The following BUB1B variants were observed in gnomAD, a reference collection of about 807,000 sequenced individuals.
BUB1B encodes the protein BUB1 mitotic checkpoint serine/threonine kinase B, also known as mitotic checkpoint serine/threonine-protein kinase BUB1 beta.
BUB1B carries 86 observed loss-of-function variants against 137.7 expected under a neutral mutation model. That is an observed-to-expected ratio of 0.62 (90% CI 0.52 to 0.75). The LOEUF is 0.75. BUB1B is among the 30% of genes least tolerant of loss of function. The pLI is 0.00. For missense variants in BUB1B, 1,130 were observed against 1,236.9 expected, an observed-to-expected ratio of 0.91 and a Z score of 1.30; for synonymous variants, 420 against 417.9, an observed-to-expected ratio of 1.00 and a Z score of -0.06.
At chr15:40,213,219 AC>A (rs2140908093) in intron 19 of BUB1B, 112 bp from the exon 20 acceptor site, 1 of 1,139,370 alleles carries the variant, frequency 8.8e-7, no homozygotes, top group East Asian at 2.4e-5. Flanking sequence ...AGAGGTGCCT[AC>A]GTTCCAGTAG....
rs1201842953 is a variant in BUB1B, at chr15:40,176,596, T to C, written c.504T>C (p.Phe168=). 1 of 1,614,156 alleles carries C rather than the reference T, an allele frequency of 6.2e-7. No homozygotes were observed. Among genetic ancestry groups the C allele is most frequent in the Non-Finnish European group, 8.5e-7 (1 of 1,180,010 alleles). ...WAEEYEAREN[F]RKADAIFQEG... ...AAGAATATGAAGCTAGAGAAAACTTTAGGAAAGCAGATGCGATATTTCAGG... is the reference window on the plus strand; with the variant it reads ...AAGAATATGAAGCTAGAGAAAACTTCAGGAAAGCAGATGCGATATTTCAGG... Residue 168 remains phenylalanine (F), a synonymous_variant, in exon 5 of 23, where the codon TTT becomes TTC. Coordinates refer to ENST00000287598, the MANE Select transcript of BUB1B (RefSeq NM_001211.6).
intron 14 of BUB1B, among the ~76,000 whole-genome samples, chr15:40,205,818 A>G (rs2037630233): frequency 6.6e-6 from 1 of 152,242 alleles, no homozygotes; most frequent in Non-Finnish European, 1.5e-5. Context: ...TAAGAAATAA[A>G]TAAAAATTAG....
At chr15:40,201,272 G>T (rs532794148) in intron 12 of BUB1B, among the ~76,000 whole-genome samples, 1 of 152,202 alleles carries the variant, frequency 6.6e-6, no homozygotes, top group African/African-American at 2.4e-5. Context: ...ACTAAGGGAA[G>T]TGTTTCTTTT....
At chr15:40,180,761 T>C (rs1292334303) in intron 5 of BUB1B, among the ~76,000 whole-genome samples, 1 of 145,326 alleles carries the variant, frequency 6.9e-6, no homozygotes, top group Non-Finnish European at 1.5e-5. Context: ...GCCATTCTCC[T>C]GCCTCAGCCT....
At chr15:40,190,749 A>G (rs1022144940) in intron 8 of BUB1B, among the ~76,000 whole-genome samples, 4 of 152,230 alleles carry the variant, frequency 2.6e-5, no homozygotes, top group South Asian at 4.1e-4. Flanking sequence ...AAGAACTGCA[A>G]TGCTGGGACA....
Position 40,220,731 on chromosome 15 carries a change from CT to C in BUB1B, c.3126del (p.Ser1043ValfsTer35). ...GCCTTATGGAAGGTAGGGAAGTTAA[CT>C]AGTCCTGGGGCTTTGCTCTTTCAGT... is the stretch of plus-strand genomic sequence containing the variant. ...NKALWKVGKL[T>X]SPGALLFQ On this transcript the variant is annotated frameshift_variant, in exon 23 of 23. Transcript: ENST00000287598. LOFTEE classifies it high-confidence loss of function. 1 of 1,614,154 alleles carries C rather than the reference CT, an allele frequency of 6.2e-7. No individual in the cohort carries two copies. The highest frequency in any genetic ancestry group is 8.5e-7 in the Non-Finnish European group (1 of 1,180,032).
In BUB1B at chr15:40,196,673, T is replaced by A; in HGVS notation, c.1187T>A (p.Met396Lys). The A allele has an allele frequency of 6.2e-7, 1 of 1,613,930 alleles. No homozygotes were observed. The highest frequency in any genetic ancestry group is 1.6e-4 in the Middle Eastern group (1 of 6,062). The change falls in exon 9 of 23, where the codon ATG (methionine) becomes AAG (lysine). Residue 396 changes from methionine (M) to lysine (K), a missense_variant. Transcript: ENST00000287598. ...QQASEEKKEK[M>K]MYCKEKIYAG... The stretch of plus-strand genomic sequence containing the variant: ...GCGTCTGAGGAGAAGAAAGAGAAGA[T>A]GATGTATTGTAAGGAGAAGATTTAT...
intron 5 of BUB1B, among the ~76,000 whole-genome samples, chr15:40,177,527 A>G (rs2037236673): frequency 6.6e-6 from 1 of 152,080 alleles, no homozygotes; most frequent in Non-Finnish European, 1.5e-5. Flanking sequence ...TTAAAAAATC[A>G]GTTGATCATA....
chr15:40,201,667 A>G (rs2037570724), intron 12 of BUB1B, among the ~76,000 whole-genome samples: 1 of 151,972 alleles, frequency 6.6e-6, no homozygotes, highest in Non-Finnish European at 1.5e-5. Flanking sequence ...ATTTTTTTTT[A>G]TTTATTAATA....
chr15:40,182,870 C>G (rs775187989), intron 5 of BUB1B, among the ~76,000 whole-genome samples: 2 of 152,154 alleles, frequency 1.3e-5, no homozygotes, highest in Non-Finnish European at 2.9e-5. Context: ...AAACAGGAAA[C>G]AATCCTGCGT....
At chr15:40,213,545 T>G in intron 20 of BUB1B, 71 bp downstream of exon 20, 3 of 1,569,526 alleles carry the variant, frequency 1.9e-6, no homozygotes, top group Non-Finnish European at 2.6e-6. Context: ...CTTTTTTTTT[T>G]CTTTTTTGAG....
intron 5 of BUB1B, among the ~76,000 whole-genome samples, chr15:40,183,385 G>T (rs1181460259): frequency 6.6e-6 from 1 of 152,216 alleles, no homozygotes; most frequent in Non-Finnish European, 1.5e-5. Context: ...TAAAAAGTTA[G>T]TGGGAAAACT....
chr15:40,210,180 A>C lies in BUB1B; in HGVS notation c.2355A>C (p.Pro785=), dbSNP rs756183791. 6.2e-7 allele frequency: 1 copy of C among 1,610,922 alleles called. No individual in the cohort carries two copies. The highest frequency in any genetic ancestry group is 8.5e-7 in the Non-Finnish European group (1 of 1,177,258). Reference sequence around the variant, plus strand: ...ATTACAAGTTATTCTGGGTGGCGCCAAGAAACTCTGCAGAATTAACAGTAA... The same window carrying C: ...ATTACAAGTTATTCTGGGTGGCGCCCAGAAACTCTGCAGAATTAACAGTAA... ...CEDYKLFWVA[P]RNSAELTVIK... is the part of the protein sequence containing the mutation. Residue 785 remains proline (P), a synonymous_variant, in exon 18 of 23, where the codon CCA becomes CCC. Coordinates refer to ENST00000287598, the MANE Select transcript of BUB1B (RefSeq NM_001211.6).
intron 4 of BUB1B, 138 bp downstream of exon 4, chr15:40,170,819 CA>C: frequency 1.2e-6 from 1 of 833,040 alleles, no homozygotes; most frequent in Non-Finnish European, 1.9e-6. Context: ...AATAAATATG[CA>C]ATACTTCTTA....
At chr15:40,195,763 TG>T (rs1489133960) in intron 8 of BUB1B, among the ~76,000 whole-genome samples, 2 of 152,232 alleles carry the variant, frequency 1.3e-5, no homozygotes, top group African/African-American at 4.8e-5. Flanking sequence ...ATATGCTCGT[TG>T]GCCATTTGTT....
rs1382489085 is a variant in BUB1B, at chr15:40,185,075, CTTGAG to C, written c.752-84_752-80del. 1.0e-5 allele frequency: 11 copies of C among 1,091,296 alleles called. No individual in the cohort carries two copies. The East Asian group carries it at 1.9e-4, about 19-fold the overall frequency. The allele number at this position is 1,091,296 out of a possible 1,614,324, so 67.6% of individuals were successfully genotyped here. A position where few individuals can be genotyped will look rare whatever the true frequency, so the allele number is the denominator to read the frequency against. On this transcript the variant is annotated intron_variant, in intron 6 of 22. Transcript: ENST00000287598. Reference sequence around the variant, plus strand: ...TTTCTGTTGTAGTGGAAATACTGTCCTTGAGTTGAGGAAGAATAGGTATACTTTAT... The same window carrying C: ...TTTCTGTTGTAGTGGAAATACTGTCCTTGAGGAAGAATAGGTATACTTTAT...
At chr15:40,186,339 G>A (rs1281069769) in intron 8 of BUB1B, among the ~76,000 whole-genome samples, 5 of 150,286 alleles carry the variant, frequency 3.3e-5, no homozygotes, top group South Asian at 2.1e-4. Flanking sequence ...CTAATCCTTA[G>A]CATTTCTGTT....
At chr15:40,184,334 G>T (rs2140890233) in intron 6 of BUB1B, among the ~76,000 whole-genome samples, 1 of 149,924 alleles carries the variant, frequency 6.7e-6, no homozygotes, top group Admixed American at 6.6e-5. Context: ...TTGAGAGATA[G>T]GTTCTCGCTC....
At chr15:40,183,343 AGT>A (rs1369213013) in intron 5 of BUB1B, among the ~76,000 whole-genome samples, 2 of 152,342 alleles carry the variant, frequency 1.3e-5, no homozygotes, top group East Asian at 3.9e-4. Flanking sequence ...GATGTGGCAC[AGT>A]GTTAACAATT....
Sources: allele counts gnomAD v4.1 joint callset (sites outside exome capture counted in the v4.1 genomes callset), GRCh38; gene constraint gnomAD v4.1.1; transcripts MANE v1.5; gene names NCBI Gene and HGNC (gene_info 2026-07-23, HGNC 2026-07-21).